The following ATXN1 variants were observed in gnomAD, a reference collection of about 807,000 sequenced individuals.
ATXN1 encodes the protein ataxin-1.
In ATXN1, 8 loss-of-function variants were observed where a neutral mutation model predicts 56.4. That is an observed-to-expected ratio of 0.14 (90% CI 0.08 to 0.26). ATXN1 has a LOEUF of 0.26. Ranked by LOEUF, ATXN1 falls within the 10% of genes least tolerant of loss-of-function variation. The probability of loss-of-function intolerance (pLI) is 1.00; values close to 1 mark genes in which losing one functional copy is unlikely to be tolerated. For missense variants in ATXN1, 987 were observed against 1,106.5 expected (o/e 0.89, Z 1.53); for synonymous variants, 514 against 494.6 (o/e 1.04, Z -0.52).
At chr6:16,495,064 T>TG (rs1760753106) in intron 5 of ATXN1, among the ~76,000 whole-genome samples, 1 of 152,256 alleles carries the variant, frequency 6.6e-6, no homozygotes, top group Admixed American at 6.5e-5. Flanking sequence ...TTGGTGAAAA[T>TG]GGGGAAGGCT....
intron 2 of ATXN1, among the ~76,000 whole-genome samples, chr6:16,720,132 A>T (rs1759716987): frequency 6.6e-6 from 1 of 152,034 alleles, no homozygotes; most frequent in African/African-American, 2.4e-5. Flanking sequence ...TACAGTGCTC[A>T]TCCTCAGATT....
At chr6:16,704,439 C>G (rs1435462947) in intron 2 of ATXN1, among the ~76,000 whole-genome samples, 3 of 152,188 alleles carry the variant, frequency 2.0e-5, no homozygotes, top group Non-Finnish European at 4.4e-5. Flanking sequence ...ATCAAAATCT[C>G]AAGTGCTTAC....
chr6:16,368,343 C>CTTCTTTTTTTTT (rs1354007963), intron 6 of ATXN1, among the ~76,000 whole-genome samples: 75 of 75,854 alleles, frequency 9.9e-4, no homozygotes, highest in African/African-American at 2.8e-3. Flanking sequence ...ACTTCTTCTT[C>CTTCTTTTTTTTT]TTTTTTTTTT....
chr6:16,730,540 ATATT>A (rs1172397842), intron 2 of ATXN1, among the ~76,000 whole-genome samples: 1 of 139,190 alleles, frequency 7.2e-6, no homozygotes, highest in Non-Finnish European at 1.6e-5. Flanking sequence ...GTAATATAAA[ATATT>A]TATGTACAAT....
At chr6:16,704,462 T>TAA (rs372804809) in intron 2 of ATXN1, among the ~76,000 whole-genome samples, 1 of 129,520 alleles carries the variant, frequency 7.7e-6, no homozygotes, top group Non-Finnish European at 1.8e-5. Flanking sequence ...GCCCAGGGAC[T>TAA]GCCATAATTT....
At chr6:16,551,624 AG>A (rs1369589729) in intron 4 of ATXN1, among the ~76,000 whole-genome samples, 3 of 152,192 alleles carry the variant, frequency 2.0e-5, no homozygotes, top group Non-Finnish European at 1.5e-5. Context: ...ATTTCCGAGC[AG>A]GGGAATGCTT....
chr6:16,384,385 C>T (rs745826981), intron 6 of ATXN1, among the ~76,000 whole-genome samples: 3 of 152,208 alleles, frequency 2.0e-5, no homozygotes, highest in Non-Finnish European at 4.4e-5. Context: ...GCAAGGAATG[C>T]AGGTGTGTGG....
intron 4 of ATXN1, among the ~76,000 whole-genome samples, chr6:16,531,704 C>T (rs1761508164): frequency 6.6e-6 from 1 of 150,898 alleles, no homozygotes. Context: ...GTGCTAAGGA[C>T]ATGAAAGCCA....
chr6:16,471,776 G>A (rs938465903), intron 6 of ATXN1, among the ~76,000 whole-genome samples: 9 of 152,058 alleles, frequency 5.9e-5, no homozygotes, highest in African/African-American at 2.2e-4. Flanking sequence ...AAGGTTGGAA[G>A]AGCAACAACA....
intron 5 of ATXN1, among the ~76,000 whole-genome samples, chr6:16,495,523 G>A (rs1396831831): frequency 6.6e-6 from 1 of 152,156 alleles, no homozygotes; most frequent in East Asian, 1.9e-4. Context: ...CTACTACCAT[G>A]CAAAATTGCA....
chr6:16,684,595 T>A (rs926866632), intron 2 of ATXN1, among the ~76,000 whole-genome samples: 1 of 152,162 alleles, frequency 6.6e-6, no homozygotes, highest in Non-Finnish European at 1.5e-5. Context: ...TTCGGTTATT[T>A]GCCAAAGGCC....
intron 6 of ATXN1, among the ~76,000 whole-genome samples, chr6:16,380,032 A>C (rs1762219692): frequency 6.6e-6 from 1 of 152,238 alleles, no homozygotes; most frequent in South Asian, 2.1e-4. Context: ...TGGTTTAGCC[A>C]CAGGATTTTC....
chr6:16,380,119 GCTTGTGACAT>G (rs1009090050), intron 6 of ATXN1, among the ~76,000 whole-genome samples: 2 of 152,318 alleles, frequency 1.3e-5, no homozygotes, highest in East Asian at 3.9e-4. Flanking sequence ...TACATCACTG[GCTTGTGACAT>G]CTGTAATCTG....
At chr6:16,674,639 G>C (rs1296471385) in intron 2 of ATXN1, among the ~76,000 whole-genome samples, 1 of 151,452 alleles carries the variant, frequency 6.6e-6, no homozygotes, top group African/African-American at 2.4e-5. Flanking sequence ...TTATAGGCTT[G>C]AGCCACCACG....
At chr6:16,648,706 C>A (rs907361911) in intron 3 of ATXN1, among the ~76,000 whole-genome samples, 1 of 152,138 alleles carries the variant, frequency 6.6e-6, no homozygotes, top group African/African-American at 2.4e-5. Context: ...ACATGAAATG[C>A]TAAAAAATGA....
At chr6:16,344,066 C>T (rs911562290) in intron 6 of ATXN1, among the ~76,000 whole-genome samples, 16 of 152,210 alleles carry the variant, frequency 1.1e-4, no homozygotes, top group Non-Finnish European at 2.2e-4. Flanking sequence ...AGGAACCACA[C>T]TTCCAGAAGC....
At chr6:16,557,337 A>G (rs915532987) in intron 4 of ATXN1, among the ~76,000 whole-genome samples, 4 of 151,778 alleles carry the variant, frequency 2.6e-5, no homozygotes. Context: ...AAAAAAAAAA[A>G]AAAAAAAAAC....
chr6:16,722,467 C>G (rs1759764017), intron 2 of ATXN1, among the ~76,000 whole-genome samples: 1 of 152,198 alleles, frequency 6.6e-6, no homozygotes, highest in Non-Finnish European at 1.5e-5. Context: ...GAAGTGCTCA[C>G]TAATAATAGT....
At chr6:16,632,218 G>T (rs1228991164) in intron 3 of ATXN1, among the ~76,000 whole-genome samples, 2 of 152,058 alleles carry the variant, frequency 1.3e-5, no homozygotes, top group East Asian at 3.9e-4. Context: ...ACCATGTTCC[G>T]CATGTTAGAG....
Sources: allele counts gnomAD v4.1 joint callset (sites outside exome capture counted in the v4.1 genomes callset), GRCh38; gene constraint gnomAD v4.1.1; transcripts MANE v1.5; gene names NCBI Gene and HGNC (gene_info 2026-07-23, HGNC 2026-07-21).